BRIP1: variants seen among roughly 807,000 people sequenced by gnomAD.
The protein encoded by BRIP1 is Fanconi anemia group J protein.
BRIP1 carries 88 observed loss-of-function variants against 119.7 expected under a neutral mutation model. The ratio of observed to expected loss-of-function variants is 0.74; its 90% CI spans 0.62 to 0.88. The LOEUF is 0.88. BRIP1 is among the 40% of genes least tolerant of loss of function. The probability of loss-of-function intolerance (pLI) is 0.00; values close to 1 mark genes in which losing one functional copy is unlikely to be tolerated. For missense variants in BRIP1, 1,259 were observed against 1,455.4 expected (o/e 0.87, Z 2.20); for synonymous variants, 443 against 496.5 (o/e 0.89, Z 1.43).
At chr17:61,801,759 CT>C (rs200416404) in intron 7 of BRIP1, among the ~76,000 whole-genome samples, 6 of 151,104 alleles carry the variant, frequency 4.0e-5, no homozygotes, top group South Asian at 2.1e-4. Context: ...TTTGTTATGC[CT>C]TTTTTTTTCT....
At chr17:61,741,700 T>C (rs1299935060) in intron 16 of BRIP1, among the ~76,000 whole-genome samples, 1 of 152,212 alleles carries the variant, frequency 6.6e-6, no homozygotes, top group African/African-American at 2.4e-5. Flanking sequence ...GAGGAGTAGA[T>C]CTCAATAATG....
chr17:61,718,046 C>T (rs920588074), intron 16 of BRIP1, among the ~76,000 whole-genome samples: 6 of 152,178 alleles, frequency 3.9e-5, no homozygotes, highest in African/African-American at 1.2e-4. Context: ...TTTGAACTTA[C>T]AGAGCATAAA....
At position 61,734,086 on chromosome 17, in the gene BRIP1, A is replaced by G. The variant is rs1396658686; in HGVS notation, c.2379+8927T>C. On this transcript the variant is annotated intron_variant, in intron 16 of 19. Transcript: ENST00000259008. This position sits in a 1 kb window ranked among gnomAD's most constrained non-coding sequence, Gnocchi z 5.2. ...TGCTAGGCAATACAAATAAAATGCA[A>G]TTTTAAAACCTAAATATATTTGTAC... Among the ~76,000 whole-genome samples, 1 of 152,202 alleles carries G rather than the reference A, an allele frequency of 6.6e-6. No individual in the cohort carries two copies. Among genetic ancestry groups the G allele is most frequent in the Non-Finnish European group, 1.5e-5 (1 of 68,022 alleles).
chr17:61,697,006 G>T lies in BRIP1; in HGVS notation c.2493-3494C>A, dbSNP rs530707402. ...GTCTCAAAAAAAAAAAAAAAAAAGG[G>T]GGGGGGAAGTGTTTTGATGACAAAT... On this transcript the variant is annotated intron_variant, in intron 17 of 19. Transcript: ENST00000259008. Among the ~76,000 whole-genome samples, 9 of 78,048 alleles carry T rather than the reference G, an allele frequency of 1.2e-4. No homozygotes were observed. In the South Asian group the frequency reaches 2.1e-3, roughly 18 times the overall value. 51.2% of individuals were successfully genotyped at this position (78,048 alleles called of 152,430 possible).
rs1410052227 is a variant in BRIP1, at chr17:61,738,378, C to G, written c.2379+4635G>C. Among the ~76,000 whole-genome samples the G allele has an allele frequency of 6.6e-6, 1 of 152,176 alleles. No individual in the cohort carries two copies. The highest frequency in any genetic ancestry group is 1.5e-5 in the Non-Finnish European group (1 of 68,034). ...CTTTTTCTATCCCTTGTCCCTGCAG[C>G]TTGAACTATTCTTGTGTCCACTCTA... On this transcript the variant is annotated intron_variant, in intron 16 of 19. Transcript: ENST00000259008. This position sits in a 1 kb window ranked among gnomAD's most constrained non-coding sequence, Gnocchi z 4.2.
chr17:61,768,944 GA>G lies in BRIP1; in HGVS notation c.2097+7456del, dbSNP rs914213482. Among the ~76,000 whole-genome samples the G allele has an allele frequency of 8.6e-4, 127 of 148,426 alleles. 1 individual carries two copies. The Middle Eastern group carries it at 0.024, about 28-fold the overall frequency. On this transcript the variant is annotated intron_variant, in intron 14 of 19. Transcript: ENST00000259008. The surrounding 1 kb of genome is among the most constrained non-coding windows in gnomAD (Gnocchi z 5.0). ...GACACCTTTGTTGGCTTTGAAGAAG[GA>G]AAAAAAAAAGTAGTAGTAGTAATAA...
In BRIP1 at chr17:61,705,995, T is replaced by C. The variant is rs183473582; in HGVS notation, c.2492+9956A>G. The stretch of plus-strand genomic sequence containing the variant: ...ATTAGTTTGTCTACTAGTTCTGTTA[T>C]TGAGAGGAATTTTGAAGTTTCCAAG... On this transcript the variant is annotated intron_variant, in intron 17 of 19. Coordinates refer to ENST00000259008, the MANE Select transcript of BRIP1 (RefSeq NM_032043.3). This position sits in a 1 kb window ranked among gnomAD's most constrained non-coding sequence, Gnocchi z 5.0. Among the ~76,000 whole-genome samples, 4 of 152,310 alleles carry C rather than the reference T, an allele frequency of 2.6e-5. No homozygotes were observed.
Position 61,725,742 on chromosome 17 carries a change from C to T in BRIP1, c.2380-9679G>A, listed in dbSNP as rs2076757738. Among the ~76,000 whole-genome samples the T allele has an allele frequency of 6.6e-6, 1 of 152,090 alleles. No individual in the cohort carries two copies. Among genetic ancestry groups the T allele is most frequent in the African/African-American group, 2.4e-5 (1 of 41,416 alleles). ...GTTCAAGCAATCATTCTGCTTCAGC[C>T]TCCTCAGTAGCTAGGACTTACAGAT... is the stretch of plus-strand genomic sequence containing the variant. On this transcript the variant is annotated intron_variant, in intron 16 of 19. Transcript: ENST00000259008. This position sits in a 1 kb window ranked among gnomAD's most constrained non-coding sequence, Gnocchi z 5.3.
Position 61,684,257 on chromosome 17 carries a change from A to G in BRIP1, c.2906-117T>C. The G allele has an allele frequency of 8.5e-7, 1 of 1,180,814 alleles. No homozygotes were observed. Among genetic ancestry groups the G allele is most frequent in the Non-Finnish European group, 1.2e-6 (1 of 852,206 alleles). 73.1% of individuals were successfully genotyped at this position (1,180,814 alleles called of 1,614,324 possible). ...TAACTGTATAGGATACATAACTTAG[A>G]GCCCCCAACGAATACTAGTGGATTT... is the stretch of plus-strand genomic sequence containing the variant. On this transcript the variant is annotated intron_variant, in intron 19 of 19. Transcript: ENST00000259008. This position sits in a 1 kb window ranked among gnomAD's most constrained non-coding sequence, Gnocchi z 4.5.
At chr17:61,819,239 C>T (rs1479965052) in intron 6 of BRIP1, among the ~76,000 whole-genome samples, 1 of 150,510 alleles carries the variant, frequency 6.6e-6, no homozygotes, top group Admixed American at 6.6e-5. Flanking sequence ...CAAATGCTGG[C>T]GAGGATGTGG....
rs930691138 is a variant in BRIP1, at chr17:61,795,792, T to G, written c.1341-2063A>C. 2.6e-5 allele frequency among the ~76,000 whole-genome samples: 4 copies of G among 152,086 alleles called. No homozygotes were observed. Among genetic ancestry groups the G allele is most frequent in the Non-Finnish European group, 5.9e-5 (4 of 67,974 alleles). ...ATCTAGCAGTGGGATTGCTGGATCG[T>G]TTGGTAGCTCTATTTTAAGTTTTTT... On this transcript the variant is annotated intron_variant, in intron 9 of 19. Transcript: ENST00000259008. This position sits in a 1 kb window ranked among gnomAD's most constrained non-coding sequence, Gnocchi z 5.6.
chr17:61,713,822 G>GAAAC lies in BRIP1; in HGVS notation c.2492+2128_2492+2129insGTTT, dbSNP rs1567754107. 2.6e-5 allele frequency among the ~76,000 whole-genome samples: 4 copies of GAAAC among 151,460 alleles called. No homozygotes were observed. Among genetic ancestry groups the GAAAC allele is most frequent in the African/African-American group, 9.7e-5 (4 of 41,232 alleles). On this transcript the variant is annotated intron_variant, in intron 17 of 19. Coordinates refer to ENST00000259008, the MANE Select transcript of BRIP1 (RefSeq NM_032043.3). The surrounding 1 kb of genome is among the most constrained non-coding windows in gnomAD (Gnocchi z 4.9). ...AGGCTTCAGCTATTGCGCTCCCCATGTCTTCATTTTTAACAGAAAAGTTTA... is the reference window on the plus strand; with the variant it reads ...AGGCTTCAGCTATTGCGCTCCCCATGAAACTCTTCATTTTTAACAGAAAAGTTTA...
intron 16 of BRIP1, among the ~76,000 whole-genome samples, chr17:61,731,565 T>G (rs1291563350): frequency 1.3e-5 from 2 of 152,254 alleles, no homozygotes; most frequent in Non-Finnish European, 2.9e-5. Flanking sequence ...TCTTGGAAAC[T>G]GCTATCCTCT....
chr17:61,821,856 G>C (rs1322191405), intron 6 of BRIP1, among the ~76,000 whole-genome samples: 1 of 152,136 alleles, frequency 6.6e-6, no homozygotes, highest in Non-Finnish European at 1.5e-5. Context: ...CTCCCAAGTA[G>C]CTGGGGCTAC....
chr17:61,839,916 A>T (rs1327049832), intron 6 of BRIP1, among the ~76,000 whole-genome samples: 2 of 152,244 alleles, frequency 1.3e-5, no homozygotes, highest in African/African-American at 4.8e-5. Flanking sequence ...TGATCAACAT[A>T]TATCAGCATA....
At chr17:61,765,384 T>C (rs2077342227) in intron 14 of BRIP1, among the ~76,000 whole-genome samples, 1 of 21,980 alleles carries the variant, frequency 4.5e-5, no homozygotes, top group East Asian at 1.3e-3. Context: ...ATATATTATA[T>C]ATATATATAT....
At position 61,796,587 on chromosome 17, in the gene BRIP1, G is replaced by A. The variant is rs896664385; in HGVS notation, c.1340+2513C>T. 2.0e-5 allele frequency among the ~76,000 whole-genome samples: 3 copies of A among 151,990 alleles called. No individual in the cohort carries two copies. Among genetic ancestry groups the A allele is most frequent in the African/African-American group, 7.2e-5 (3 of 41,406 alleles). The stretch of plus-strand genomic sequence containing the variant: ...TGTAGGTGTGTGGATTTGTTTCTGA[G>A]TTCTCTATTCTGTTCCATTGATCTG... On this transcript the variant is annotated intron_variant, in intron 9 of 19. Transcript: ENST00000259008. This position sits in a 1 kb window ranked among gnomAD's most constrained non-coding sequence, Gnocchi z 4.8.
chr17:61,773,088 A>G (rs2077482841), intron 14 of BRIP1, among the ~76,000 whole-genome samples: 1 of 152,016 alleles, frequency 6.6e-6, no homozygotes, highest in South Asian at 2.1e-4. Flanking sequence ...AATGACAAAC[A>G]ACAAGGTTTT....
At position 61,860,884 on chromosome 17, in the gene BRIP1, G is replaced by GT. The variant is rs1355951533; in HGVS notation, c.93+562dup. 6.6e-6 allele frequency among the ~76,000 whole-genome samples: 1 copy of GT among 152,000 alleles called. No individual in the cohort carries two copies. The highest frequency in any genetic ancestry group is 6.6e-5 in the Admixed American group (1 of 15,264). On this transcript the variant is annotated intron_variant, in intron 2 of 19. Transcript: ENST00000259008. This position sits in a 1 kb window ranked among gnomAD's most constrained non-coding sequence, Gnocchi z 4.1. ...AGTTCTGCATAAAAAGTAAGGTACCGTATCACATCAATGCACAGTTTCAAA... is the reference window on the plus strand; with the variant it reads ...AGTTCTGCATAAAAAGTAAGGTACCGTTATCACATCAATGCACAGTTTCAAA...
Sources: gnomAD v4.1 joint callset for allele counts (sites outside exome capture counted in the v4.1 genomes callset) on GRCh38, gnomAD v4.1.1 for gene constraint, Gnocchi (gnomAD v3.1) non-coding constraint, MANE v1.5 for transcripts, NCBI Gene and HGNC (gene_info 2026-07-23, HGNC 2026-07-21) for gene names.